Variants in OSBPL8 observed in about 807,000 individuals in gnomAD.
OSBPL8 encodes oxysterol binding protein like 8.
A neutral mutation model predicts 125.5 loss-of-function variants in OSBPL8; 59 were observed. The observed-to-expected ratio is 0.47, with a 90% confidence interval of 0.38 to 0.58. OSBPL8 has a LOEUF of 0.58. Ranked by LOEUF, OSBPL8 falls within the 20% of genes least tolerant of loss-of-function variation. OSBPL8 has a pLI of 0.00. For synonymous variants in OSBPL8, 330 were observed against 338.9 expected (o/e 0.97, Z 0.29); for missense variants, 758 against 1,047.8 (o/e 0.72, Z 3.82).
intron 23 of OSBPL8, among the ~76,000 whole-genome samples, chr12:76,356,282 G>A (rs1322176477): frequency 1.3e-5 from 2 of 152,092 alleles, no homozygotes; most frequent in East Asian, 3.9e-4. Context: ...TGAAATAACA[G>A]CCATGCACAG....
intron 4 of OSBPL8, among the ~76,000 whole-genome samples, chr12:76,415,058 C>T (rs1868463928): frequency 6.6e-6 from 1 of 152,106 alleles, no homozygotes; most frequent in Non-Finnish European, 1.5e-5. Context: ...AATTATAGGA[C>T]AATCTCTTTC....
At chr12:76,380,658 TG>T (rs146565157) in intron 15 of OSBPL8, among the ~76,000 whole-genome samples, 6,565 of 152,196 alleles carry the variant, frequency 0.043, 502 homozygotes, top group African/African-American at 0.15. Flanking sequence ...GAGCTTTTTT[TG>T]TATATTCTTG....
chr12:76,434,907 A>C (rs1480925081), intron 4 of OSBPL8, among the ~76,000 whole-genome samples: 1 of 152,206 alleles, frequency 6.6e-6, no homozygotes, highest in Non-Finnish European at 1.5e-5. Context: ...TTGTACACAG[A>C]AAATAAATTG....
chr12:76,441,380 A>G (rs1351804344), intron 4 of OSBPL8, among the ~76,000 whole-genome samples: 1 of 152,170 alleles, frequency 6.6e-6, no homozygotes, highest in African/African-American at 2.4e-5. Context: ...AAATTCTATG[A>G]AGCTGTTTAC....
At chr12:76,515,023 C>A (rs1209229527) in intron 1 of OSBPL8, among the ~76,000 whole-genome samples, 1 of 152,198 alleles carries the variant, frequency 6.6e-6, no homozygotes, top group African/African-American at 2.4e-5. Context: ...TTTATACCAG[C>A]AATTTTGTCC....
chr12:76,518,819 G>T (rs1881800309), intron 1 of OSBPL8, among the ~76,000 whole-genome samples: 1 of 152,230 alleles, frequency 6.6e-6, no homozygotes, highest in African/African-American at 2.4e-5. Flanking sequence ...GTGGGGAGGA[G>T]TGTCCTGATG....
At chr12:76,379,689 A>G (rs1952963426) in intron 15 of OSBPL8, among the ~76,000 whole-genome samples, 1 of 152,322 alleles carries the variant, frequency 6.6e-6, no homozygotes, top group South Asian at 2.1e-4. Flanking sequence ...ACATTGTTGT[A>G]TAAGAATTCT....
chr12:76,443,506 T>C (rs1872426623), intron 4 of OSBPL8, among the ~76,000 whole-genome samples: 1 of 152,132 alleles, frequency 6.6e-6, no homozygotes, highest in South Asian at 2.1e-4. Flanking sequence ...TCTACATTTC[T>C]GTCTTCTTTT....
At chr12:76,519,035 A>G (rs1159521753) in intron 1 of OSBPL8, among the ~76,000 whole-genome samples, 2 of 152,164 alleles carry the variant, frequency 1.3e-5, no homozygotes, top group Admixed American at 1.3e-4. Context: ...GCCTGCTTGG[A>G]TTCTTTCTCT....
chr12:76,552,176 G>A (rs1950959206), intron 1 of OSBPL8, among the ~76,000 whole-genome samples: 3 of 152,058 alleles, frequency 2.0e-5, no homozygotes, highest in African/African-American at 7.2e-5. Flanking sequence ...TGTAATGCCA[G>A]CACTTTGGGA....
At chr12:76,509,536 C>G (rs1012622934) in intron 1 of OSBPL8, among the ~76,000 whole-genome samples, 2 of 152,130 alleles carry the variant, frequency 1.3e-5, no homozygotes, top group Non-Finnish European at 2.9e-5. Flanking sequence ...AAATGGCTTT[C>G]GTCAAAATTA....
chr12:76,546,262 C>G (rs1409866759), intron 1 of OSBPL8, among the ~76,000 whole-genome samples: 1 of 152,114 alleles, frequency 6.6e-6, no homozygotes, highest in African/African-American at 2.4e-5. Flanking sequence ...TCCAAAATAA[C>G]CAAATAAACA....
At chr12:76,481,070 CA>C (rs35371551) in intron 2 of OSBPL8, among the ~76,000 whole-genome samples, 8 of 151,160 alleles carry the variant, frequency 5.3e-5, no homozygotes, top group Admixed American at 5.3e-4. Flanking sequence ...GGCCATGAGC[CA>C]AAAAAAATGA....
intron 23 of OSBPL8, 65 bp downstream of exon 23, chr12:76,356,561 C>G: frequency 1.0e-6 from 1 of 991,644 alleles, no homozygotes; most frequent in Non-Finnish European, 1.5e-6. Flanking sequence ...TATGATTTCC[C>G]ATATAACAGG....
intron 21 of OSBPL8, among the ~76,000 whole-genome samples, chr12:76,364,599 T>C (rs1242516872): frequency 6.6e-6 from 1 of 152,144 alleles, no homozygotes; most frequent in Non-Finnish European, 1.5e-5. Flanking sequence ...TGTCTACCTA[T>C]GTAACAAACC....
intron 3 of OSBPL8, among the ~76,000 whole-genome samples, chr12:76,458,316 CTATTTT>C (rs1874308566): frequency 6.6e-6 from 1 of 151,704 alleles, no homozygotes; most frequent in African/African-American, 2.4e-5. Flanking sequence ...GTTCTTTTTT[CTATTTT>C]TAAGATTTCT....
intron 14 of OSBPL8, among the ~76,000 whole-genome samples, chr12:76,384,910 C>T (rs1473722116): frequency 6.6e-6 from 1 of 152,258 alleles, no homozygotes; most frequent in South Asian, 2.1e-4. Flanking sequence ...ATTCCTGTAC[C>T]TCATCATATA....
chr12:76,422,494 A>G (rs973526747), intron 4 of OSBPL8: 2 of 455,838 alleles, frequency 4.4e-6, no homozygotes, highest in Admixed American at 4.7e-5. Context: ...TAGGAATGCA[A>G]GATTAAACAC....
chr12:76,513,242 G>C (rs1317069137), intron 1 of OSBPL8, among the ~76,000 whole-genome samples: 5 of 152,052 alleles, frequency 3.3e-5, no homozygotes, highest in Non-Finnish European at 7.4e-5. Context: ...GAATTTTGAG[G>C]ATTTTCTTAG....
Sources: gnomAD v4.1 joint callset for allele counts (sites outside exome capture counted in the v4.1 genomes callset) on GRCh38, gnomAD v4.1.1 for gene constraint, MANE v1.5 for transcripts, NCBI Gene and HGNC (gene_info 2026-07-23, HGNC 2026-07-21) for gene names.